Variants in MBNL1 observed in about 807,000 individuals in gnomAD.
MBNL1 encodes the protein muscleblind like splicing regulator 1, also known as muscleblind-like protein 1.
MBNL1 carries 8 observed loss-of-function variants against 42.2 expected under a neutral mutation model. The observed-to-expected ratio is 0.19, with a 90% CI of 0.11 to 0.34. MBNL1 has a LOEUF of 0.34. MBNL1 is among the 10% of genes least tolerant of loss of function. MBNL1 has a pLI of 1.00. For missense variants in MBNL1, 309 were observed against 495.3 expected, an observed-to-expected ratio of 0.62 and a Z score of 3.57; for synonymous variants, 169 against 173.9, an observed-to-expected ratio of 0.97 and a Z score of 0.22.
intron 1 of MBNL1, among the ~76,000 whole-genome samples, chr3:152,288,562 T>C (rs530825836): frequency 6.6e-6 from 1 of 152,302 alleles, no homozygotes; most frequent in East Asian, 1.9e-4. Context: ...TTTCTGACAT[T>C]TGTAGATATA....
intron 3 of MBNL1, among the ~76,000 whole-genome samples, chr3:152,428,491 C>G (rs1437130925): frequency 6.6e-6 from 1 of 152,134 alleles, no homozygotes; most frequent in East Asian, 1.9e-4. Flanking sequence ...CTAAAGAGTC[C>G]TAATTCTTGA....
chr3:152,260,943 A>G (rs1339471046), intron 2 of MBNL1, among the ~76,000 whole-genome samples: 1 of 152,128 alleles, frequency 6.6e-6, no homozygotes, highest in Non-Finnish European at 1.5e-5. Flanking sequence ...GCCTACCCAA[A>G]TCTAATTCTA....
intron 2 of MBNL1, among the ~76,000 whole-genome samples, chr3:152,331,357 T>C (rs1395219922): frequency 2.0e-5 from 3 of 152,240 alleles, no homozygotes; most frequent in Admixed American, 6.5e-5. Flanking sequence ...AGATTTTCTT[T>C]AGCCAGTTTT....
chr3:152,251,003 G>C (rs1341769907), intron 2 of MBNL1, among the ~76,000 whole-genome samples: 2 of 152,052 alleles, frequency 1.3e-5, no homozygotes, highest in African/African-American at 2.4e-5. Context: ...GATCAAGTGG[G>C]CTTCATCCCT....
At chr3:152,298,493 T>A (rs990187221) in intron 1 of MBNL1, among the ~76,000 whole-genome samples, 1 of 152,234 alleles carries the variant, frequency 6.6e-6, no homozygotes, top group African/African-American at 2.4e-5. Flanking sequence ...TAATATTTAA[T>A]GTTTCTGCGA....
At chr3:152,401,020 A>G (rs1427564296) in intron 2 of MBNL1, among the ~76,000 whole-genome samples, 1 of 152,168 alleles carries the variant, frequency 6.6e-6, no homozygotes. Flanking sequence ...AGCCAAAACT[A>G]TCTAAATAAG....
chr3:152,260,495 A>G (rs1487687715), intron 2 of MBNL1, among the ~76,000 whole-genome samples: 1 of 152,268 alleles, frequency 6.6e-6, no homozygotes, highest in Non-Finnish European at 1.5e-5. Flanking sequence ...TATAAAATAT[A>G]TTGAATGTAC....
intron 2 of MBNL1, among the ~76,000 whole-genome samples, chr3:152,346,894 A>C (rs2094340837): frequency 1.3e-5 from 2 of 151,580 alleles, no homozygotes; most frequent in South Asian, 2.1e-4. Flanking sequence ...AAAAAAAAAA[A>C]AAAACCAGTC....
chr3:152,427,193 G>GA (rs2098944181), intron 3 of MBNL1, among the ~76,000 whole-genome samples: 1 of 152,158 alleles, frequency 6.6e-6, no homozygotes, highest in South Asian at 2.1e-4. Flanking sequence ...TGGATTTTAG[G>GA]AACTAGGCCA....
chr3:152,376,428 T>C lies in MBNL1; in HGVS notation c.175-38513T>C, dbSNP rs141330222. The stretch of plus-strand genomic sequence containing the variant: ...ATACAGTGATATAGTTTTCTCTTCA[T>C]AGTTAGACTCTCTTAAAAAAGAAGC... On this transcript the variant is annotated intron_variant, in intron 2 of 9. Coordinates refer to ENST00000324210, the MANE Select transcript of MBNL1 (RefSeq NM_021038.5). 1.1e-4 allele frequency among the ~76,000 whole-genome samples: 16 copies of C among 152,336 alleles called. No homozygotes were observed. The East Asian group carries it at 2.7e-3, about 26-fold the overall frequency.
At chr3:152,425,898 G>A (rs1011117262) in intron 3 of MBNL1, among the ~76,000 whole-genome samples, 14 of 152,124 alleles carry the variant, frequency 9.2e-5, no homozygotes, top group Non-Finnish European at 1.5e-5. Context: ...ACATGCACAC[G>A]TATGTTTATT....
chr3:152,251,985 C>A (rs1425211650), intron 2 of MBNL1, among the ~76,000 whole-genome samples: 1 of 152,078 alleles, frequency 6.6e-6, no homozygotes, highest in Non-Finnish European at 1.5e-5. Context: ...GAACTCCCAT[C>A]TTCAACATCT....
Position 152,455,576 on chromosome 3 carries a change from T to C in MBNL1, c.996T>C (p.Val332=). 6.2e-7 allele frequency: 1 copy of C among 1,613,562 alleles called. No individual in the cohort carries two copies. The highest frequency in any genetic ancestry group is 2.2e-5 in the East Asian group (1 of 44,846). ...SILCMTPATS[V]VPMVHGATPA... The stretch of plus-strand genomic sequence containing the variant: ...TGTGCATGACACCCGCTACAAGTGT[T>C]GGTAGGTGCCAGCTTTGTTTCTTGA... Residue 332 remains valine (V), a splice_region_variant and synonymous_variant, in exon 7 of 10, where the codon GTT becomes GTC. Transcript: ENST00000324210.
chr3:152,433,527 G>T (rs947147768), intron 4 of MBNL1, among the ~76,000 whole-genome samples: 2 of 152,024 alleles, frequency 1.3e-5, no homozygotes, highest in African/African-American at 4.8e-5. Flanking sequence ...GAGGCGGGCG[G>T]ATCACGAGGA....
chr3:152,455,849 A>G (rs1580834284), intron 7 of MBNL1, among the ~76,000 whole-genome samples: 4 of 152,312 alleles, frequency 2.6e-5, no homozygotes, highest in Admixed American at 2.6e-4. Context: ...TAAAAGTAAT[A>G]TACTGTATAT....
chr3:152,323,982 A>G (rs1023199418), intron 2 of MBNL1, among the ~76,000 whole-genome samples: 1 of 152,178 alleles, frequency 6.6e-6, no homozygotes, highest in Non-Finnish European at 1.5e-5. Context: ...GTATGCAAAA[A>G]TTATCCCCGT....
chr3:152,360,555 G>A (rs2095857613), intron 2 of MBNL1, among the ~76,000 whole-genome samples: 2 of 151,824 alleles, frequency 1.3e-5, no homozygotes, highest in Admixed American at 6.6e-5. Context: ...GCCTTCTCTA[G>A]TTAACTCCCT....
intron 2 of MBNL1, among the ~76,000 whole-genome samples, chr3:152,327,105 G>T (rs1250161842): frequency 2.0e-5 from 3 of 151,754 alleles, no homozygotes; most frequent in African/African-American, 7.3e-5. Flanking sequence ...CACTGCGCTC[G>T]GCTGATAAAT....
chr3:152,266,046 T>C (rs2037176373), upstream of MBNL1: 1 of 152,210 alleles, frequency 6.6e-6, no homozygotes, highest in South Asian at 2.1e-4. Context: ...CTGGTGTTTG[T>C]TACAGTGCTT....
Sources: gnomAD v4.1 joint callset for allele counts (sites outside exome capture counted in the v4.1 genomes callset) on GRCh38, gnomAD v4.1.1 for gene constraint, MANE v1.5 for transcripts, NCBI Gene and HGNC (gene_info 2026-07-23, HGNC 2026-07-21) for gene names.